Variants in SMC3 observed in about 807,000 individuals in gnomAD.
The protein encoded by SMC3 is structural maintenance of chromosomes 3.
A neutral mutation model predicts 171.8 loss-of-function variants in SMC3; 20 were observed. That is an observed-to-expected ratio of 0.12 (90% CI 0.08 to 0.17). The LOEUF (loss-of-function observed/expected upper bound fraction) is 0.17. Among genes scored for constraint, SMC3 ranks in the 10% least tolerant of loss-of-function variants. SMC3 has a pLI of 1.00. For synonymous variants in SMC3, 464 were observed against 451.1 expected, an observed-to-expected ratio of 1.03 and a Z score of -0.36; for missense variants, 543 against 1,420.4, an observed-to-expected ratio of 0.38 and a Z score of 9.93.
At chr10:110,571,749 G>A (rs1292600775) in intron 2 of SMC3, among the ~76,000 whole-genome samples, 1 of 151,722 alleles carries the variant, frequency 6.6e-6, no homozygotes, top group East Asian at 1.9e-4. Context: ...TTTAGTCTTT[G>A]TATACATCTT....
intron 1 of SMC3, 115 bp downstream of exon 1, chr10:110,567,946 G>A: frequency 7.6e-7 from 1 of 1,321,910 alleles, no homozygotes; most frequent in Non-Finnish European, 1.1e-6. Context: ...CTGGACCAGG[G>A]CTGGGCGGGG....
At chr10:110,589,216 C>T (rs1324540333) in intron 13 of SMC3, among the ~76,000 whole-genome samples, 1 of 151,812 alleles carries the variant, frequency 6.6e-6, no homozygotes, top group Non-Finnish European at 1.5e-5. Flanking sequence ...GGTGAAACTC[C>T]GTCTCTACTA....
rs780811321 is a variant in SMC3, at chr10:110,591,119, A to G, written c.1799A>G (p.Tyr600Cys). The G allele has an allele frequency of 3.1e-6, 5 of 1,613,768 alleles. No homozygotes were observed. The highest frequency in any genetic ancestry group is 2.2e-5 in the East Asian group (1 of 44,868). ...LNKLDVRDTA[Y>C]PETNDAIPMI... ...AAGTTAGATGTCAGGGATACAGCCTATCCTGAAACCAATGTGAGTCATTGT... is the reference window on the plus strand; with the variant it reads ...AAGTTAGATGTCAGGGATACAGCCTGTCCTGAAACCAATGTGAGTCATTGT... Residue 600 changes from tyrosine to cysteine, a missense_variant, in exon 17 of 29, where the codon TAT becomes TGT. This residue lies in a region of SMC3 where 218 missense variants were observed against 509.6 expected (regional missense o/e 0.43). Transcript: ENST00000361804.
rs1456151126 is a variant in SMC3 at position 110,577,897 on chromosome 10, A to G, written c.333A>G (p.Leu111=). The change falls in exon 6 of 29, where the codon TTA becomes TTG. Residue 111 remains leucine (L), a synonymous_variant. Transcript: ENST00000361804. ...GTGCCAAAAAGGATCAGTATTTCTT[A>G]GACAAGAAGATGGTCACGTAAGCAT... ...VIGAKKDQYF[L]DKKMVTKNDV... The G allele has an allele frequency of 1.2e-6, 2 of 1,610,944 alleles. No homozygotes were observed. The highest frequency in any genetic ancestry group is 1.7e-5 in the Admixed American group (1 of 60,016).
intron 18 of SMC3, among the ~76,000 whole-genome samples, chr10:110,595,978 C>G (rs1473824461): frequency 8.0e-6 from 1 of 124,260 alleles, no homozygotes; most frequent in African/African-American, 3.1e-5. Context: ...TGGCTTGACT[C>G]TGTAATCCTA....
In SMC3 at chr10:110,595,863, C is replaced by G. The variant is rs142937381; in HGVS notation, c.1964-535C>G. On this transcript the variant is annotated intron_variant, in intron 18 of 28. Transcript: ENST00000361804. ...GTCCTGTGTCCTACTAATATTTCCT[C>G]TTTAGTCTTCACTTCCTTCCCCTCT... Among the ~76,000 whole-genome samples, 13 of 139,256 alleles carry G rather than the reference C, an allele frequency of 9.3e-5. No individual in the cohort carries two copies. The East Asian group carries it at 2.8e-3, about 29-fold the overall frequency. The allele number at this position is 139,256 out of a possible 152,430, so 91.4% of individuals were successfully genotyped here. A position where few individuals can be genotyped will look rare whatever the true frequency, so the allele number is the denominator to read the frequency against.
intron 13 of SMC3, among the ~76,000 whole-genome samples, chr10:110,584,664 C>T (rs1590557323): frequency 6.6e-6 from 1 of 152,100 alleles, no homozygotes; most frequent in African/African-American, 2.4e-5. Flanking sequence ...CTTGTTCTGT[C>T]ACCCAATCTG....
intron 13 of SMC3, among the ~76,000 whole-genome samples, chr10:110,586,308 G>T (rs1048049784): frequency 9.9e-5 from 15 of 152,198 alleles, no homozygotes; most frequent in Non-Finnish European, 2.9e-5. Flanking sequence ...AGTGTAGCCT[G>T]CTGTTTTTGG....
In SMC3 at chr10:110,569,182, T is replaced by C. The variant is rs545625710; in HGVS notation, c.91+169T>C. Among the ~76,000 whole-genome samples, 8 of 152,370 alleles carry C rather than the reference T, an allele frequency of 5.3e-5. No individual in the cohort carries two copies. The South Asian group carries it at 1.7e-3, about 32-fold the overall frequency. ...TATTGCACTGATGAATTGCTTATTT[T>C]TATAAACTTAAAATGTTTGGATAAG... On this transcript the variant is annotated intron_variant, in intron 2 of 28. Transcript: ENST00000361804.
intron 10 of SMC3, 28 bp downstream of exon 10, chr10:110,582,670 A>G: frequency 1.3e-6 from 2 of 1,546,950 alleles, no homozygotes; most frequent in South Asian, 1.1e-5. Context: ...GTTCATGTTA[A>G]CTTACTTTTT....
chr10:110,569,150 T>C, intron 2 of SMC3, 137 bp downstream of exon 2: 3 of 692,542 alleles, frequency 4.3e-6, no homozygotes, highest in Non-Finnish European at 7.8e-6. Flanking sequence ...AAATAACTTT[T>C]CTGTCTTATT....
intron 8 of SMC3, among the ~76,000 whole-genome samples, chr10:110,581,490 A>G (rs974666196): frequency 4.6e-5 from 7 of 151,958 alleles, no homozygotes; most frequent in Non-Finnish European, 1.0e-4. Context: ...AAGTGCTGGG[A>G]TTACTCATGA....
At chr10:110,589,550 T>A (rs1861176173) in intron 13 of SMC3, 55 bp from the exon 14 acceptor site, 1 of 1,137,634 alleles carries the variant, frequency 8.8e-7, no homozygotes, top group African/African-American at 1.5e-5. Context: ...CTGCTTTCTA[T>A]CAGTGTAGAT....
At chr10:110,590,818 T>C (rs1564792397) in intron 16 of SMC3, among the ~76,000 whole-genome samples, 173 bp from the exon 17 acceptor site, 1 of 152,246 alleles carries the variant, frequency 6.6e-6, no homozygotes, top group African/African-American at 2.4e-5. Context: ...TCCAAAATTA[T>C]TTGGATTATA....
intron 2 of SMC3, among the ~76,000 whole-genome samples, chr10:110,569,382 C>A (rs189342944): frequency 3.8e-4 from 58 of 152,210 alleles, no homozygotes; most frequent in African/African-American, 1.3e-3. Flanking sequence ...GATTCCCCCC[C>A]CACCCCGGCA....
chr10:110,574,069 CT>C (rs1860912140), intron 3 of SMC3, among the ~76,000 whole-genome samples: 1 of 152,138 alleles, frequency 6.6e-6, no homozygotes, highest in Non-Finnish European at 1.5e-5. Flanking sequence ...TATGAAAATG[CT>C]TTTTAAACTT....
intron 21 of SMC3, among the ~76,000 whole-genome samples, chr10:110,600,038 T>C (rs944179797): frequency 6.6e-6 from 1 of 152,236 alleles, no homozygotes; most frequent in Non-Finnish European, 1.5e-5. Context: ...TTTAGTTAAT[T>C]AGCATTACTT....
At chr10:110,604,196 T>A in intron 28 of SMC3, 35 bp from the exon 29 acceptor site, 1 of 1,370,074 alleles carries the variant, frequency 7.3e-7, no homozygotes, top group Non-Finnish European at 1.0e-6. Context: ...ACTGATGTAA[T>A]TAACAGATTT....
intron 22 of SMC3, 91 bp from the exon 23 acceptor site, chr10:110,600,928 TTTG>T: frequency 1.2e-6 from 1 of 862,804 alleles, no homozygotes; most frequent in Non-Finnish European, 2.0e-6. Context: ...TTTATATTTT[TTTG>T]TTTTCTTGAA....
Sources: gnomAD v4.1 joint callset for allele counts (sites outside exome capture counted in the v4.1 genomes callset) on GRCh38, gnomAD v4.1.1 for gene constraint, gnomAD v4.1.1 regional missense constraint, MANE v1.5 for transcripts, NCBI Gene and HGNC (gene_info 2026-07-23, HGNC 2026-07-21) for gene names.